COL6A1: variants seen among roughly 807,000 people sequenced by gnomAD.
COL6A1 encodes collagen alpha-1(VI) chain.
In COL6A1, 80 loss-of-function variants were observed where a neutral mutation model predicts 145.6. The observed-to-expected ratio is 0.55, with a 90% confidence interval of 0.46 to 0.66. COL6A1 has a LOEUF of 0.66. COL6A1 is among the 30% of genes least tolerant of loss of function. The probability of loss-of-function intolerance (pLI) is 0.00; values close to 1 mark genes in which losing one functional copy is unlikely to be tolerated. For synonymous variants in COL6A1, 638 were observed against 622.8 expected (o/e 1.02, Z -0.36); for missense variants, 1,364 against 1,473.8 (o/e 0.93, Z 1.22).
At chr21:46,000,205 A>G in intron 27 of COL6A1, 126 bp from the exon 28 acceptor site, 1 of 1,072,546 alleles carries the variant, frequency 9.3e-7, no homozygotes, top group African/African-American at 1.6e-5. Flanking sequence ...ACACCTGCAA[A>G]GAACCTCCTG....
chr21:45,999,094 C>A, intron 25 of COL6A1, 59 bp from the exon 26 acceptor site: 1 of 1,547,262 alleles, frequency 6.5e-7, no homozygotes, highest in South Asian at 1.2e-5. Context: ...GTGGACGGGG[C>A]CAGCGCGCAG....
At chr21:45,984,767 GACAA>G (rs1471650936) in intron 3 of COL6A1, among the ~76,000 whole-genome samples, 3 of 151,742 alleles carry the variant, frequency 2.0e-5, no homozygotes, top group South Asian at 4.2e-4. Context: ...GGCAGACAGA[GACAA>G]ACAGAGACAG....
Position 46,002,561 on chromosome 21 carries a change from T to G in COL6A1, c.2285T>G (p.Phe762Cys). ...GTGGGCATCAAAGACGTGTTTGACT[T>G]CATCCCAGGCTCAGACCAGCTCAAT... The part of the protein sequence containing the change: ...VSVGIKDVFD[F>C]IPGSDQLNVI... The change falls in exon 33 of 35, where the codon TTC becomes TGC. Residue 762 changes from phenylalanine (F) to cysteine (C), a missense_variant. Around this residue, in one of 3 missense-constraint regions of COL6A1, gnomAD observed 938 missense variants for 1,003.8 expected, o/e 0.93. Transcript: ENST00000361866. The G allele has an allele frequency of 2.5e-6, 4 of 1,614,126 alleles. No homozygotes were observed. The highest frequency in any genetic ancestry group is 3.4e-6 in the Non-Finnish European group (4 of 1,180,006).
In COL6A1 at chr21:45,981,904, C is replaced by G; in HGVS notation, c.54C>G (p.Ala18=). 1 of 1,606,768 alleles carries G rather than the reference C, an allele frequency of 6.2e-7. No individual in the cohort carries two copies. ...LPLLLQACWT[A]AQDEPETPRA... Reference sequence around the variant, plus strand: ...TGCTGCTGCAGGCCTGCTGGACAGCCGCGCAGGATGAGCCGGAGACCCCGA... The same window carrying G: ...TGCTGCTGCAGGCCTGCTGGACAGCGGCGCAGGATGAGCCGGAGACCCCGA... Residue 18 remains alanine (A), a synonymous_variant, in exon 1 of 35, where the codon GCC becomes GCG. Transcript: ENST00000361866.
rs1026055946 is a variant in COL6A1, at chr21:45,989,403, C to T, written c.859-205C>T. 3.9e-5 allele frequency among the ~76,000 whole-genome samples: 6 copies of T among 152,312 alleles called. No individual in the cohort carries two copies. In the East Asian group the frequency reaches 5.8e-4, roughly 15 times the overall value. On this transcript the variant is annotated intron_variant, in intron 9 of 34. Transcript: ENST00000361866. ...GGCCGGCACCGTCCGGGGCCCCTGC[C>T]GTGGCTCCTTGGCCCAAATCCTATC...
At chr21:46,000,280 C>T (rs565226192) in intron 27 of COL6A1, 51 bp from the exon 28 acceptor site, 15 of 1,608,984 alleles carry the variant, frequency 9.3e-6, no homozygotes, top group South Asian at 3.3e-5. Context: ...CCACAGTCCC[C>T]GCTGGGAGGG....
rs749790625 is a variant in COL6A1, at chr21:46,001,342, G to A, written c.1912G>A (p.Val638Ile). 20 of 1,612,756 alleles carry A rather than the reference G, an allele frequency of 1.2e-5. No individual in the cohort carries two copies. The highest frequency in any genetic ancestry group is 2.7e-5 in the African/African-American group (2 of 75,046). The change falls in exon 30 of 35, where the codon GTC becomes ATC. Residue 638 changes from valine to isoleucine, a missense_variant. By Grantham distance (29) the Val-to-Ile change is conservative (BLOSUM62 3). This residue lies in a region of COL6A1 where 938 missense variants were observed against 1,003.8 expected (regional missense o/e 0.93). Transcript: ENST00000361866. ...GAACTTCGAGATTGCCAAGGACTTC[G>A]TCGTCAAGGTCATCGACCGGCTGAG... is the stretch of plus-strand genomic sequence containing the variant. ...LQNFEIAKDF[V>I]VKVIDRLSRD...
chr21:45,998,959 T>C lies in COL6A1; in HGVS notation c.1674T>C (p.Asp558=). 1.3e-6 allele frequency: 2 copies of C among 1,552,876 alleles called. No homozygotes were observed. Among genetic ancestry groups the C allele is most frequent in the East Asian group, 2.4e-5 (1 of 41,598 alleles). The stretch of plus-strand genomic sequence containing the variant: ...GAGAAGCCGGGGACCCCGGAGACGA[T>C]GTAAGTGTGGATGGGAGGCAGGGCC... The part of the protein sequence containing the change: ...DEGEAGDPGD[D]NNDIAPRGVK... The change falls in exon 25 of 35, where the codon GAT becomes GAC. Residue 558 remains aspartate (D), a splice_region_variant and synonymous_variant. Coordinates refer to ENST00000361866, the MANE Select transcript of COL6A1 (RefSeq NM_001848.3).
At position 46,000,650 on chromosome 21, in the gene COL6A1, AAGGAGGGCGGCCGG is replaced by A. The variant is rs2077838600; in HGVS notation, c.1814-108_1814-95del. The A allele has an allele frequency of 2.1e-5, 27 of 1,288,112 alleles. 1 individual carries two copies. In the African/African-American group the frequency reaches 5.4e-4, roughly 26 times the overall value. The allele number at this position is 1,288,112 out of a possible 1,614,324, so 79.8% of individuals were successfully genotyped here. On this transcript the variant is annotated intron_variant, in intron 28 of 34. Transcript: ENST00000361866. ...GGCCGGGGAAGGGGGGAGGCCGGGGAAGGAGGGCGGCCGGGGAGGCGGGGAGGCTGCCCCAAGAG... is the reference window on the plus strand; with the variant it reads ...GGCCGGGGAAGGGGGGAGGCCGGGGAGGAGGCGGGGAGGCTGCCCCAAGAG...
At chr21:46,000,452 T>C (rs2077837018) in intron 28 of COL6A1, 85 bp downstream of exon 28, 4 of 1,497,378 alleles carry the variant, frequency 2.7e-6, no homozygotes, top group African/African-American at 1.4e-5. Flanking sequence ...GTGTCTCCAC[T>C]GTTGGGGGCC....
At position 45,987,002 on chromosome 21, in the gene COL6A1, C is replaced by T. The variant is rs947497339; in HGVS notation, c.647C>T (p.Ala216Val). 4 of 1,551,242 alleles carry T rather than the reference C, an allele frequency of 2.6e-6. No homozygotes were observed. The highest frequency in any genetic ancestry group is 3.5e-6 in the Non-Finnish European group (4 of 1,148,178). Residue 216 changes from alanine to valine, a missense_variant, in exon 5 of 35, where the codon GCT becomes GTT. By Grantham distance (64) the Ala-to-Val change is moderately conservative. Coordinates refer to ENST00000361866, the MANE Select transcript of COL6A1 (RefSeq NM_001848.3). ...ACGTACCGGCGCAACTTCACGGCGG[C>T]TGACTGGGGCCAGAGCCGCGACGCA... ...DHTYRRNFTA[A>V]DWGQSRDAEE... is the part of the protein sequence containing the mutation.
chr21:45,999,283 G>A (rs1256174784), intron 26 of COL6A1, 65 bp downstream of exon 26: 2 of 1,448,010 alleles, frequency 1.4e-6, no homozygotes, highest in South Asian at 1.2e-5. Context: ...GCTGGGGCTG[G>A]GGAATGCTGG....
In COL6A1 at chr21:45,989,882, C is replaced by T. The variant is rs183965829; in HGVS notation, c.930+104C>T. On this transcript the variant is annotated intron_variant, in intron 11 of 34. Transcript: ENST00000361866. ...GGACAGTGTCCCTGACAGGAGACCA[C>T]GTGTCCTGCAGACCCGCTCCACCGC... 863 of 1,452,122 alleles carry T rather than the reference C, an allele frequency of 5.9e-4. 3 individuals carry two copies. Among genetic ancestry groups the T allele is most frequent in the Middle Eastern group, 5.2e-3 (26 of 4,966 alleles). 90.0% of individuals were successfully genotyped at this position (1,452,122 alleles called of 1,614,324 possible).
chr21:45,982,053 C>T, intron 1 of COL6A1, 106 bp downstream of exon 1: 1 of 923,658 alleles, frequency 1.1e-6, no homozygotes, highest in African/African-American at 1.6e-5. Flanking sequence ...AGACTGGGGG[C>T]CTGGAGCCCC....
At position 46,001,251 on chromosome 21, in the gene COL6A1, A is replaced by G; in HGVS notation, c.1823-2A>G. 6.2e-7 allele frequency: 1 copy of G among 1,606,044 alleles called. No individual in the cohort carries two copies. Among genetic ancestry groups the G allele is most frequent in the Non-Finnish European group, 8.5e-7 (1 of 1,178,816 alleles). ...CTCTGCTGACACCGCCCCCGCCTGC[A>G]GAATGCAAGTGCGGCCCCATCGACC... On this transcript the variant is annotated splice_acceptor_variant, in intron 29 of 34. Transcript: ENST00000361866. LOFTEE classifies it high-confidence loss of function.
At chr21:45,989,535 T>C (rs2077761383) in intron 9 of COL6A1, 73 bp from the exon 10 acceptor site, 3 of 1,453,968 alleles carry the variant, frequency 2.1e-6, no homozygotes, top group Middle Eastern at 2.3e-4. Context: ...GAGGGAGGGG[T>C]GTGGGGCTGG....
At chr21:46,001,025 C>G in intron 29 of COL6A1, 2 of 710,018 alleles carry the variant, frequency 2.8e-6, no homozygotes, top group African/African-American at 1.8e-5. Flanking sequence ...TTCTGGCCCA[C>G]AGGCCCCACC....
chr21:46,004,858 A>G lies in COL6A1; in HGVS notation c.*845A>G. The G allele has an allele frequency of 5.2e-6, 1 of 191,162 alleles. No homozygotes were observed. The highest frequency in any genetic ancestry group is 1.2e-5 in the Non-Finnish European group (1 of 86,594). 11.8% of individuals were successfully genotyped at this position (191,162 alleles called of 1,614,324 possible). On this transcript the variant is annotated 3_prime_UTR_variant, in exon 35 of 35. Coordinates refer to ENST00000361866, the MANE Select transcript of COL6A1 (RefSeq NM_001848.3). Reference sequence around the variant, plus strand: ...GACTGGGGCCTGGACTGGACATGAGAGCCCCTTGGTGCCACAGAGGGCTGT... The same window carrying G: ...GACTGGGGCCTGGACTGGACATGAGGGCCCCTTGGTGCCACAGAGGGCTGT...
At position 45,998,894 on chromosome 21, in the gene COL6A1, C is replaced by T. The variant is rs767913216; in HGVS notation, c.1612-3C>T. ...TTAACCAAGTGCTCTCCCGTCACTG[C>T]AGGGCACGAAGGGCTACCCCGGCCT... On this transcript the variant is annotated splice_region_variant and splice_polypyrimidine_tract_variant and intron_variant, in intron 24 of 34. Transcript: ENST00000361866. 7.7e-6 allele frequency: 12 copies of T among 1,554,120 alleles called. No homozygotes were observed. The South Asian group carries it at 1.3e-4, about 17-fold the overall frequency.
Sources: gnomAD v4.1 joint callset for allele counts (sites outside exome capture counted in the v4.1 genomes callset) on GRCh38, gnomAD v4.1.1 for gene constraint, gnomAD v4.1.1 regional missense constraint, MANE v1.5 for transcripts, NCBI Gene and HGNC (gene_info 2026-07-23, HGNC 2026-07-21) for gene names.